Variants in HECW1 observed in about 807,000 individuals in gnomAD.
HECW1 encodes E3 ubiquitin-protein ligase HECW1.
Under a neutral mutation model 182.3 loss-of-function variants are expected in HECW1, and 61 were observed. The observed-to-expected ratio is 0.33, with a 90% CI of 0.27 to 0.41. The LOEUF (loss-of-function observed/expected upper bound fraction) is 0.41, where lower values mean the gene tolerates loss of function less well. HECW1 is among the 10% of genes least tolerant of loss of function. The pLI is 1.00. For synonymous variants in HECW1, 859 were observed against 832.6 expected (o/e 1.03, Z -0.55); for missense variants, 1,739 against 2,108.9 (o/e 0.82, Z 3.44).
Position 43,438,033 on chromosome 7 carries a change from G to A in HECW1, c.832G>A (p.Val278Met), listed in dbSNP as rs745988614. The A allele has an allele frequency of 7.7e-5, 125 of 1,614,026 alleles. 1 individual carries two copies. In the Admixed American group the frequency reaches 1.0e-3, roughly 14 times the overall value. The change falls in exon 9 of 30, where the codon GTG becomes ATG. Residue 278 changes from valine to methionine, a missense_variant. Physicochemically the swap from Val to Met is conservative, Grantham distance 21. Coordinates refer to ENST00000395891, the MANE Select transcript of HECW1 (RefSeq NM_015052.5). ...CAGTTTTGTGTCCTTGCCCACTGACGTGCTGGAAATTGAGGTGAAGGACAA... is the reference window on the plus strand; with the variant it reads ...CAGTTTTGTGTCCTTGCCCACTGACATGCTGGAAATTGAGGTGAAGGACAA... ...QFSFVSLPTD[V>M]LEIEVKDKFA...
chr7:43,401,572 T>TTTTG (rs1448566128), intron 7 of HECW1, among the ~76,000 whole-genome samples: 4 of 145,080 alleles, frequency 2.8e-5, no homozygotes, highest in African/African-American at 1.0e-4. Flanking sequence ...AAAAGGTTTT[T>TTTTG]TTTTTTTTTT....
intron 2 of HECW1, among the ~76,000 whole-genome samples, chr7:43,139,705 T>C (rs1261606580): frequency 6.6e-6 from 1 of 152,234 alleles, no homozygotes; most frequent in Non-Finnish European, 1.5e-5. Flanking sequence ...AATTTTATAT[T>C]GTTCCCGGCT....
At chr7:43,426,853 T>G (rs1453565364) in intron 8 of HECW1, among the ~76,000 whole-genome samples, 10 of 152,156 alleles carry the variant, frequency 6.6e-5, no homozygotes, top group Non-Finnish European at 1.3e-4. Flanking sequence ...TCATTATATA[T>G]GCTTTCTATT....
intron 8 of HECW1, among the ~76,000 whole-genome samples, chr7:43,410,859 C>T (rs1360609591): frequency 6.6e-6 from 1 of 152,010 alleles, no homozygotes; most frequent in Non-Finnish European, 1.5e-5. Context: ...ATACCTCTTT[C>T]ATTTATATAT....
chr7:43,268,350 C>A (rs977994887), intron 3 of HECW1, among the ~76,000 whole-genome samples: 1 of 152,196 alleles, frequency 6.6e-6, no homozygotes, highest in Non-Finnish European at 1.5e-5. Context: ...TAGAGATAGG[C>A]CACCAAGATT....
intron 2 of HECW1, among the ~76,000 whole-genome samples, chr7:43,152,633 CT>C (rs1789460595): frequency 1.3e-5 from 2 of 151,914 alleles, no homozygotes; most frequent in African/African-American, 4.8e-5. Context: ...CTTTCAAGTT[CT>C]TTTTACCTGC....
intron 26 of HECW1, among the ~76,000 whole-genome samples, chr7:43,546,223 T>A: frequency 6.8e-6 from 1 of 146,864 alleles, no homozygotes; most frequent in African/African-American, 2.5e-5. Flanking sequence ...CCCAACCTTT[T>A]TTTTTTTTTT....
At chr7:43,534,675 G>A (rs991762421) in intron 24 of HECW1, among the ~76,000 whole-genome samples, 1 of 152,134 alleles carries the variant, frequency 6.6e-6, no homozygotes, top group African/African-American at 2.4e-5. Context: ...CGCTCCACTG[G>A]GATAAAACCA....
intron 2 of HECW1, among the ~76,000 whole-genome samples, chr7:43,199,960 G>A (rs1034362040): frequency 2.6e-5 from 4 of 152,160 alleles, no homozygotes; most frequent in African/African-American, 9.7e-5. Context: ...CATGGTTATA[G>A]TAATAATCTG....
chr7:43,364,895 C>A (rs1816425242), intron 6 of HECW1, among the ~76,000 whole-genome samples: 1 of 152,202 alleles, frequency 6.6e-6, no homozygotes, highest in Admixed American at 6.5e-5. Context: ...TGTGCATTAC[C>A]ATTACAGTCT....
chr7:43,271,703 C>T (rs150709265), intron 3 of HECW1, among the ~76,000 whole-genome samples: 27 of 152,120 alleles, frequency 1.8e-4, no homozygotes, highest in South Asian at 8.3e-4. Flanking sequence ...TCATGGATGA[C>T]GGAATCAAAT....
intron 2 of HECW1, among the ~76,000 whole-genome samples, chr7:43,236,954 C>G (rs117096403): frequency 6.6e-6 from 1 of 151,564 alleles, no homozygotes; most frequent in Non-Finnish European, 1.5e-5. Context: ...TTGGGGGTCC[C>G]GAGATTTATT....
intron 18 of HECW1, 138 bp from the exon 19 acceptor site, chr7:43,492,946 T>C: frequency 1.8e-6 from 1 of 554,936 alleles, no homozygotes; most frequent in South Asian, 2.7e-5. Context: ...CTCAAGAGCT[T>C]GCATTTTTTT....
At chr7:43,342,559 T>C (rs914555878) in intron 5 of HECW1, among the ~76,000 whole-genome samples, 1 of 151,866 alleles carries the variant, frequency 6.6e-6, no homozygotes, top group African/African-American at 2.4e-5. Flanking sequence ...TTTGAGCATC[T>C]GAAGACATTG....
intron 2 of HECW1, among the ~76,000 whole-genome samples, chr7:43,237,840 G>GCCC (rs1798521088): frequency 6.9e-6 from 1 of 144,534 alleles, no homozygotes; most frequent in African/African-American, 2.6e-5. Context: ...TTTCCCCCCC[G>GCCC]CCGCCCCCAC....
intron 3 of HECW1, among the ~76,000 whole-genome samples, chr7:43,296,653 C>T (rs1806090571): frequency 6.6e-6 from 1 of 152,200 alleles, no homozygotes; most frequent in African/African-American, 2.4e-5. Flanking sequence ...GGCTCCTTTG[C>T]ATCATTCTGG....
intron 17 of HECW1, among the ~76,000 whole-genome samples, chr7:43,488,503 A>AGAAAGAAAG (rs367834987): frequency 6.0e-5 from 9 of 150,276 alleles, no homozygotes; most frequent in Non-Finnish European, 8.9e-5. Flanking sequence ...AGAAAGAAAG[A>AGAAAGAAAG]AAAGAAAAGA....
At chr7:43,228,436 A>C (rs912702438) in intron 2 of HECW1, among the ~76,000 whole-genome samples, 4 of 152,252 alleles carry the variant, frequency 2.6e-5, no homozygotes, top group African/African-American at 9.6e-5. Context: ...AAGATCAGAC[A>C]GCTCACAACA....
chr7:43,202,057 A>T (rs1438608486), intron 2 of HECW1, among the ~76,000 whole-genome samples: 2 of 152,226 alleles, frequency 1.3e-5, no homozygotes, highest in South Asian at 2.1e-4. Context: ...ACTACTCATG[A>T]TGCTCCAGAT....
Sources: allele counts gnomAD v4.1 joint callset (sites outside exome capture counted in the v4.1 genomes callset), GRCh38; gene constraint gnomAD v4.1.1; transcripts MANE v1.5; gene names NCBI Gene and HGNC (gene_info 2026-07-23, HGNC 2026-07-21).